The following UBA3 variants were observed in gnomAD, a reference collection of about 807,000 sequenced individuals.
UBA3 encodes NEDD8-activating enzyme E1 catalytic subunit.
Under a neutral mutation model 73.5 loss-of-function variants are expected in UBA3, and 26 were observed. The ratio of observed to expected loss-of-function variants is 0.35; its 90% CI spans 0.26 to 0.49. UBA3 has a LOEUF of 0.49. UBA3 is among the 20% of genes least tolerant of loss of function. The probability of loss-of-function intolerance (pLI) is 0.98; values close to 1 mark genes in which losing one functional copy is unlikely to be tolerated. For missense variants in UBA3, 495 were observed against 555.6 expected, an observed-to-expected ratio of 0.89 and a Z score of 1.10; for synonymous variants, 217 against 191.2, an observed-to-expected ratio of 1.13 and a Z score of -1.11.
intron 16 of UBA3, 38 bp downstream of exon 16, chr3:69,055,962 T>A (rs373917529): frequency 1.9e-6 from 3 of 1,596,074 alleles, no homozygotes; most frequent in Non-Finnish European, 1.7e-6. Flanking sequence ...AAACTTGATA[T>A]AATTTTCTGA....
chr3:69,077,745 G>A (rs534296649), intron 3 of UBA3, 53 bp downstream of exon 3: 1 of 1,507,342 alleles, frequency 6.6e-7, no homozygotes, highest in South Asian at 1.3e-5. Context: ...CATTCTATTA[G>A]TTTTGAAACA....
Position 69,056,078 on chromosome 3 carries a change from G to A in UBA3, c.1185-15C>T, listed in dbSNP as rs2091970532. The stretch of plus-strand genomic sequence containing the variant: ...ATTTCATTTGCCTAAAGATTATGAT[G>A]AGAGAGAAGTATCAAACATAATTTT... On this transcript the variant is annotated splice_polypyrimidine_tract_variant and intron_variant, in intron 15 of 17. Coordinates refer to ENST00000361055, the MANE Select transcript of UBA3 (RefSeq NM_003968.4). 2.5e-6 allele frequency: 4 copies of A among 1,587,530 alleles called. No individual in the cohort carries two copies. In the East Asian group the frequency reaches 9.0e-5, roughly 36 times the overall value.
chr3:69,065,473 A>C (rs924425928), intron 6 of UBA3, among the ~76,000 whole-genome samples: 3 of 152,070 alleles, frequency 2.0e-5, no homozygotes, highest in Non-Finnish European at 4.4e-5. Flanking sequence ...TGTAACCACC[A>C]CCCCAGGCAA....
intron 2 of UBA3, chr3:69,079,863 A>G (rs986754249): frequency 4.1e-6 from 2 of 493,308 alleles, no homozygotes; most frequent in African/African-American, 4.1e-5. Flanking sequence ...TACGTCAAGC[A>G]CCCCGGAGGG....
chr3:69,076,201 C>G (rs1025008336), intron 3 of UBA3, among the ~76,000 whole-genome samples: 1 of 152,116 alleles, frequency 6.6e-6, no homozygotes, highest in Admixed American at 6.5e-5. Flanking sequence ...AACAGAGGAT[C>G]AAGCACTGCC....
At chr3:69,075,904 T>A (rs2092162490) in intron 3 of UBA3, among the ~76,000 whole-genome samples, 1 of 151,968 alleles carries the variant, frequency 6.6e-6, no homozygotes, top group Non-Finnish European at 1.5e-5. Context: ...GCTAATTTTT[T>A]ATTTTTAGTA....
intron 8 of UBA3, 71 bp downstream of exon 8, chr3:69,063,368 A>G (rs1471731932): frequency 1.6e-5 from 24 of 1,468,022 alleles, no homozygotes; most frequent in East Asian, 2.3e-5. Context: ...AAATATATCA[A>G]TTCTAATTTT....
intron 5 of UBA3, among the ~76,000 whole-genome samples, chr3:69,070,718 ACACAGTT>A: frequency 6.6e-6 from 1 of 152,152 alleles, no homozygotes; most frequent in East Asian, 1.9e-4. Flanking sequence ...AGTGGCATGA[ACACAGTT>A]CACTGCAGCC....
intron 12 of UBA3, 72 bp from the exon 13 acceptor site, chr3:69,056,887 A>G (rs2091978743): frequency 1.3e-6 from 2 of 1,488,590 alleles, no homozygotes. Flanking sequence ...GTTATAAATC[A>G]GAACAGATAA....
At chr3:69,062,945 G>C in intron 9 of UBA3, 37 bp downstream of exon 9, 1 of 1,609,304 alleles carries the variant, frequency 6.2e-7, no homozygotes, top group Non-Finnish European at 8.5e-7. Context: ...TCCATGCCAA[G>C]ATACTATAAA....
chr3:69,059,328 G>C (rs905790023), intron 11 of UBA3, among the ~76,000 whole-genome samples: 10 of 152,280 alleles, frequency 6.6e-5, no homozygotes, highest in African/African-American at 1.7e-4. Context: ...AAAGCTGTTT[G>C]TAAACAGCAA....
chr3:69,072,452 A>G (rs2092128130), intron 4 of UBA3, among the ~76,000 whole-genome samples: 1 of 152,198 alleles, frequency 6.6e-6, no homozygotes, highest in Non-Finnish European at 1.5e-5. Flanking sequence ...AAGTTCACCA[A>G]TAACCTCCGT....
rs566369041 is a variant in UBA3, at chr3:69,069,679, G to C, written c.348-1671C>G. 3.3e-5 allele frequency among the ~76,000 whole-genome samples: 5 copies of C among 152,076 alleles called. 1 individual carries two copies. Among genetic ancestry groups the C allele is most frequent in the African/African-American group, 1.2e-4 (5 of 41,464 alleles). On this transcript the variant is annotated intron_variant, in intron 5 of 17. Transcript: ENST00000361055. Reference sequence around the variant, plus strand: ...GTTCTTTTTTGATTCAAAACTTTTGGTAAATGTTTTATCTTCACTTTGTAC... The same window carrying C: ...GTTCTTTTTTGATTCAAAACTTTTGCTAAATGTTTTATCTTCACTTTGTAC...
chr3:69,065,499 G>A (rs777358617), intron 6 of UBA3, among the ~76,000 whole-genome samples: 2 of 152,018 alleles, frequency 1.3e-5, no homozygotes, highest in Non-Finnish European at 2.9e-5. Context: ...ATAACTATTC[G>A]ACCACAATAA....
intron 4 of UBA3, among the ~76,000 whole-genome samples, chr3:69,072,506 C>T (rs550605623): frequency 4.4e-4 from 67 of 152,320 alleles, no homozygotes; most frequent in African/African-American, 1.5e-3. Flanking sequence ...CTGACCTTAC[C>T]TTTCTGAGGT....
At chr3:69,064,441 A>G (rs573051181) in intron 6 of UBA3, among the ~76,000 whole-genome samples, 2 of 152,222 alleles carry the variant, frequency 1.3e-5, no homozygotes, top group African/African-American at 2.4e-5. Context: ...TGTGTCCTCA[A>G]TCATCAGCAT....
chr3:69,075,359 A>G, intron 4 of UBA3, 71 bp downstream of exon 4: 1 of 716,508 alleles, frequency 1.4e-6, no homozygotes. Flanking sequence ...ATTCCCTAGT[A>G]TGACAGATAA....
Position 69,080,356 on chromosome 3 carries a change from T to C in UBA3, c.-3A>G, listed in dbSNP as rs1412611064. On this transcript the variant is annotated 5_prime_UTR_variant, in exon 1 of 18. Coordinates refer to ENST00000361055, the MANE Select transcript of UBA3 (RefSeq NM_003968.4). Reference sequence around the variant, plus strand: ...TACGGCTCCTCGCCATCCGCCATATTGTTCTCCGCCTCTTCCCAGGTGCCC... The same window carrying C: ...TACGGCTCCTCGCCATCCGCCATATCGTTCTCCGCCTCTTCCCAGGTGCCC... 1.2e-6 allele frequency: 2 copies of C among 1,600,430 alleles called. No homozygotes were observed. Among genetic ancestry groups the C allele is most frequent in the South Asian group, 1.1e-5 (1 of 88,916 alleles).
chr3:69,060,466 CT>C (rs2092012617), intron 11 of UBA3, among the ~76,000 whole-genome samples: 1 of 152,182 alleles, frequency 6.6e-6, no homozygotes, highest in Admixed American at 6.5e-5. Context: ...TCCTTTAAGA[CT>C]GCATCAGTTA....
Sources: gnomAD v4.1 joint callset for allele counts (sites outside exome capture counted in the v4.1 genomes callset) on GRCh38, gnomAD v4.1.1 for gene constraint, MANE v1.5 for transcripts, NCBI Gene and HGNC (gene_info 2026-07-23, HGNC 2026-07-21) for gene names.